Variants in MARCHF1 observed in about 807,000 individuals in gnomAD.
MARCHF1 encodes membrane associated ring-CH-type finger 1.
In MARCHF1, 40 loss-of-function variants were observed where a neutral mutation model predicts 54.2. That is an observed-to-expected ratio of 0.74 (90% CI 0.57 to 0.96). The LOEUF is 0.96. Among genes scored for constraint, MARCHF1 ranks in the 40% least tolerant of loss-of-function variants. The probability of loss-of-function intolerance (pLI) is 0.00; values close to 1 mark genes in which losing one functional copy is unlikely to be tolerated. For missense variants in MARCHF1, 586 were observed against 656.5 expected, an observed-to-expected ratio of 0.89 and a Z score of 1.17; for synonymous variants, 236 against 236.3, an observed-to-expected ratio of 1.00 and a Z score of 0.01.
intron 5 of MARCHF1, among the ~76,000 whole-genome samples, chr4:163,656,337 C>A (rs1447962474): frequency 6.6e-6 from 1 of 151,830 alleles, no homozygotes; most frequent in Non-Finnish European, 1.5e-5. Context: ...ACACATATAC[C>A]CTTCCAAGAC....
chr4:164,184,668 C>T (rs957927972), intron 1 of MARCHF1, among the ~76,000 whole-genome samples: 1 of 152,114 alleles, frequency 6.6e-6, no homozygotes, highest in African/African-American at 2.4e-5. Context: ...ACATGAATTC[C>T]CTTGGTGGTA....
At chr4:163,647,512 G>T (rs1742804959) in intron 5 of MARCHF1, among the ~76,000 whole-genome samples, 1 of 151,836 alleles carries the variant, frequency 6.6e-6, no homozygotes, top group Non-Finnish European at 1.5e-5. Context: ...CATACAGCAG[G>T]CCAGAAAACA....
In MARCHF1 at chr4:163,528,665, A is replaced by ATAATTCAAGATCACTTCT; in HGVS notation, c.*65_*82dup. The ATAATTCAAGATCACTTCT allele has an allele frequency of 7.2e-7, 1 of 1,382,604 alleles. No homozygotes were observed. Among genetic ancestry groups the ATAATTCAAGATCACTTCT allele is most frequent in the Non-Finnish European group, 9.9e-7 (1 of 1,012,250 alleles). 85.6% of individuals were successfully genotyped at this position (1,382,604 alleles called of 1,614,324 possible). On this transcript the variant is annotated 3_prime_UTR_variant, in exon 10 of 10. Coordinates refer to ENST00000514618, the MANE Select transcript of MARCHF1 (RefSeq NM_001394959.1). ...AGAAAGGAGGAGCTGAAGGGAGTAA[A>ATAATTCAAGATCACTTCT]TAATTCAAGATCACTTCTGTCATTT...
chr4:163,555,875 G>A (rs1002581983), intron 8 of MARCHF1: 1 of 453,478 alleles, frequency 2.2e-6, no homozygotes, highest in Non-Finnish European at 4.4e-6. Flanking sequence ...TATGGCACAC[G>A]TGGAATCTGC....
chr4:164,047,136 C>A (rs1295347059), intron 2 of MARCHF1, among the ~76,000 whole-genome samples: 2 of 152,144 alleles, frequency 1.3e-5, no homozygotes, highest in Admixed American at 1.3e-4. Context: ...CTGTTTTGAT[C>A]ATTCTGGTCC....
chr4:164,028,742 A>AT (rs1649520712), intron 2 of MARCHF1, among the ~76,000 whole-genome samples: 1 of 152,156 alleles, frequency 6.6e-6, no homozygotes, highest in Non-Finnish European at 1.5e-5. Flanking sequence ...TGAAATGAAA[A>AT]TAAAAAAAAC....
At chr4:164,335,598 A>AG (rs532079673) in intron 1 of MARCHF1, among the ~76,000 whole-genome samples, 2,111 of 147,946 alleles carry the variant, frequency 0.014, 68 homozygotes, top group East Asian at 0.13. Flanking sequence ...AAAAAAAAAA[A>AG]AGAGAATTTG....
In MARCHF1 at chr4:163,528,945, A is replaced by C. The variant is rs1290071183; in HGVS notation, c.1441T>G (p.Leu481Val). ...MYVQCKVYVQLWRRLKAYNRV... is the reference protein window; with the variant it reads ...MYVQCKVYVQVWRRLKAYNRV... Reference sequence around the variant, plus strand: ...TTGTAGGCCTTCAGCCTGCGCCACAACTGAACATAGACTTTACACTGTACG... The same window carrying C: ...TTGTAGGCCTTCAGCCTGCGCCACACCTGAACATAGACTTTACACTGTACG... Residue 481 changes from leucine (L) to valine (V), a missense_variant, in exon 10 of 10, where the codon TTG becomes GTG. By Grantham distance (32) the Leu-to-Val change is conservative. Around this residue, in one of 3 missense-constraint regions of MARCHF1, gnomAD observed 106 missense variants for 93.8 expected, o/e 1.13. Coordinates refer to ENST00000514618, the MANE Select transcript of MARCHF1 (RefSeq NM_001394959.1). 6.2e-7 allele frequency: 1 copy of C among 1,613,194 alleles called. No individual in the cohort carries two copies. Among genetic ancestry groups the C allele is most frequent in the African/African-American group, 1.3e-5 (1 of 74,846 alleles).
chr4:163,750,865 A>T (rs1746500761), intron 4 of MARCHF1, among the ~76,000 whole-genome samples: 1 of 152,212 alleles, frequency 6.6e-6, no homozygotes, highest in Admixed American at 6.5e-5. Context: ...ATGTAAGATT[A>T]GATTAAATTT....
At chr4:163,699,395 G>A (rs1407771134) in intron 5 of MARCHF1, among the ~76,000 whole-genome samples, 1 of 152,196 alleles carries the variant, frequency 6.6e-6, no homozygotes, top group African/African-American at 2.4e-5. Flanking sequence ...ACATCCCAGT[G>A]TGTGTGCAGA....
chr4:163,711,366 C>A (rs1255682949), intron 4 of MARCHF1, among the ~76,000 whole-genome samples: 2 of 152,170 alleles, frequency 1.3e-5, no homozygotes, highest in African/African-American at 4.8e-5. Flanking sequence ...TGTTCATTTG[C>A]GTTTCAAATG....
intron 1 of MARCHF1, chr4:164,188,996 A>G: frequency 1.4e-6 from 1 of 709,732 alleles, no homozygotes; most frequent in Non-Finnish European, 2.6e-6. Context: ...GGCAGCTGCT[A>G]TTGGTTATGG....
chr4:163,731,385 C>T (rs35875658), intron 4 of MARCHF1, among the ~76,000 whole-genome samples: 63,279 of 152,016 alleles, frequency 0.42, 13,359 homozygotes, highest in Admixed American at 0.45. Context: ...CACAATGGCT[C>T]TCAAGACAGT....
At chr4:164,359,449 A>G (rs1261574241) in intron 1 of MARCHF1, among the ~76,000 whole-genome samples, 2 of 152,176 alleles carry the variant, frequency 1.3e-5, no homozygotes, top group African/African-American at 4.8e-5. Flanking sequence ...TGTTGAGAAG[A>G]GAGACATTTC....
Position 163,525,503 on chromosome 4 carries a change from C to T in MARCHF1, c.*3245G>A, listed in dbSNP as rs1043608588. The T allele has an allele frequency of 6.6e-6, 1 of 152,020 alleles. No homozygotes were observed. Among genetic ancestry groups the T allele is most frequent in the Non-Finnish European group, 1.5e-5 (1 of 67,970 alleles). The allele number at this position is 152,020 out of a possible 1,614,324, so 9.4% of individuals were successfully genotyped here. ...TGTTCATTTTTATTTTGTTTTTGTA[C>T]TTAAGCTTAATTGCCTTTTGGGCTT... is the stretch of plus-strand genomic sequence containing the variant. On this transcript the variant is annotated 3_prime_UTR_variant, in exon 10 of 10. Coordinates refer to ENST00000514618, the MANE Select transcript of MARCHF1 (RefSeq NM_001394959.1).
intron 2 of MARCHF1, among the ~76,000 whole-genome samples, chr4:164,034,809 T>A (rs1055948880): frequency 6.6e-6 from 1 of 152,188 alleles, no homozygotes; most frequent in African/African-American, 2.4e-5. Context: ...GTAACACTTT[T>A]TACTTCTCTA....
intron 8 of MARCHF1, among the ~76,000 whole-genome samples, chr4:163,552,557 A>C (rs894733531): frequency 6.6e-6 from 1 of 152,176 alleles, no homozygotes; most frequent in Non-Finnish European, 1.5e-5. Flanking sequence ...TGCATTCTGA[A>C]CTGCTGGGTA....
At position 163,909,439 on chromosome 4, in the gene MARCHF1, C is replaced by T. The variant is rs182863668; in HGVS notation, c.-38-55270G>A. On this transcript the variant is annotated intron_variant, in intron 3 of 9. Coordinates refer to ENST00000514618, the MANE Select transcript of MARCHF1 (RefSeq NM_001394959.1). ...CTTACAATCATGTTTAATCCATACT[C>T]ATATTATAATTACCATGTAATGCTA... Among the ~76,000 whole-genome samples the T allele has an allele frequency of 2.8e-4, 43 of 152,278 alleles. No individual in the cohort carries two copies. In the East Asian group the frequency reaches 4.8e-3, roughly 17 times the overall value.
chr4:163,938,487 A>T (rs1353590293), intron 3 of MARCHF1, among the ~76,000 whole-genome samples: 1 of 152,108 alleles, frequency 6.6e-6, no homozygotes, highest in African/African-American at 2.4e-5. Context: ...TGGTAAGGAA[A>T]AGTGCACACT....
Sources: gnomAD v4.1 joint callset for allele counts (sites outside exome capture counted in the v4.1 genomes callset) on GRCh38, gnomAD v4.1.1 for gene constraint, gnomAD v4.1.1 regional missense constraint, MANE v1.5 for transcripts, NCBI Gene and HGNC (gene_info 2026-07-23, HGNC 2026-07-21) for gene names.